LOXL3: variants seen among roughly 807,000 people sequenced by gnomAD.
LOXL3 encodes the protein lysyl oxidase like 3.
Under a neutral mutation model 91.8 loss-of-function variants are expected in LOXL3, and 60 were observed. The ratio of observed to expected loss-of-function variants is 0.65; its 90% CI spans 0.53 to 0.81. LOXL3 has a LOEUF of 0.81. LOXL3 is among the 30% of genes least tolerant of loss of function. The pLI is 0.00. For missense variants in LOXL3, 874 were observed against 1,000.4 expected (o/e 0.87, Z 1.70); for synonymous variants, 355 against 387.6 (o/e 0.92, Z 0.99).
At chr2:74,555,239 G>A (rs1484175985), upstream of LOXL3, 4 of 1,613,754 alleles carry the variant, frequency 2.5e-6, no homozygotes, top group East Asian at 2.2e-5. The surrounding 1 kb of genome is among the most constrained non-coding windows in gnomAD (Gnocchi z 6.1). Context: ...AAGGGGTCGA[G>A]CTCTGGGGGT....
Position 74,549,050 on chromosome 2 carries a change from G to A in LOXL3, c.692+319C>T, listed in dbSNP as rs1417244335. ...TCGCTGGCCGGCAGCGCCAGCGCTG[G>A]AATCGCCCCCGCGCCTGGGAGTGGC... On this transcript the variant is annotated intron_variant, in intron 4 of 13. Transcript: ENST00000264094. The surrounding 1 kb of genome is among the most constrained non-coding windows in gnomAD (Gnocchi z 5.3). The A allele has an allele frequency of 2.9e-5, 6 of 203,868 alleles. No homozygotes were observed. In the East Asian group the frequency reaches 6.3e-4, roughly 22 times the overall value. 12.6% of individuals were successfully genotyped at this position (203,868 alleles called of 1,614,324 possible). A position where few individuals can be genotyped will look rare whatever the true frequency, so the allele number is the denominator to read the frequency against.
chr2:74,550,733 T>C (rs553270543), intron 2 of LOXL3, among the ~76,000 whole-genome samples: 1 of 152,218 alleles, frequency 6.6e-6, no homozygotes, highest in South Asian at 2.1e-4. Context: ...CAGAACACTG[T>C]TTTATATAAA....
intron 4 of LOXL3, among the ~76,000 whole-genome samples, chr2:74,547,396 A>C (rs1039345604): frequency 1.3e-5 from 2 of 152,214 alleles, no homozygotes; most frequent in African/African-American, 4.8e-5. Context: ...TGTTCACGCT[A>C]TCTTCTTCAC....
chr2:74,552,265 C>T, intron 2 of LOXL3, 57 bp downstream of exon 2: 1 of 1,511,574 alleles, frequency 6.6e-7, no homozygotes, highest in South Asian at 1.2e-5. Context: ...TGTTCCCTTT[C>T]CCTGCACTTT....
Position 74,552,488 on chromosome 2 carries a change from G to A in LOXL3, c.147C>T (p.Phe49=), listed in dbSNP as rs1190469487. Residue 49 remains phenylalanine, a synonymous_variant, in exon 2 of 14, where the codon TTC becomes TTT. Transcript: ENST00000264094. ...CGCGGCCCTCGTAGGGCTTCCTGGGGAAGCCAGCCAGCCGGAACCGAAGCC... is the reference window on the plus strand; with the variant it reads ...CGCGGCCCTCGTAGGGCTTCCTGGGAAAGCCAGCCAGCCGGAACCGAAGCC... ...SQGLRFRLAG[F]PRKPYEGRVE... is the part of the protein sequence containing the mutation. 1.2e-6 allele frequency: 2 copies of A among 1,613,504 alleles called. No individual in the cohort carries two copies. The highest frequency in any genetic ancestry group is 1.7e-6 in the Non-Finnish European group (2 of 1,179,946).
chr2:74,537,437 G>A (rs1228316660), intron 4 of LOXL3, among the ~76,000 whole-genome samples: 1 of 152,200 alleles, frequency 6.6e-6, no homozygotes, highest in Admixed American at 6.5e-5. Context: ...CCATAGCTCC[G>A]CAGAGGCCAG....
intron 4 of LOXL3, among the ~76,000 whole-genome samples, chr2:74,537,689 C>T (rs550740720): frequency 6.8e-4 from 103 of 152,292 alleles, no homozygotes; most frequent in Non-Finnish European, 9.4e-4. Context: ...GCAATTTCAA[C>T]GTAACAGTGT....
chr2:74,550,731 T>C (rs1340682988), intron 2 of LOXL3, among the ~76,000 whole-genome samples: 5 of 152,180 alleles, frequency 3.3e-5, no homozygotes, highest in Non-Finnish European at 1.5e-5. Context: ...GCCAGAACAC[T>C]GTTTTATATA....
chr2:74,532,393 G>T lies in LOXL3; in HGVS notation c.*1213C>A. ...ATTCTAGAATGACATTAGTGCTATT[G>T]ATTTAACACTGTTTGTCATTTGGTG... On this transcript the variant is annotated 3_prime_UTR_variant, in exon 14 of 14. Transcript: ENST00000264094. The T allele has an allele frequency of 1.7e-6, 1 of 577,924 alleles. No homozygotes were observed. Among genetic ancestry groups the T allele is most frequent in the Non-Finnish European group, 3.2e-6 (1 of 314,716 alleles). 35.8% of individuals were successfully genotyped at this position (577,924 alleles called of 1,614,324 possible).
Position 74,549,070 on chromosome 2 carries a change from A to C in LOXL3, c.692+299T>G. On this transcript the variant is annotated intron_variant, in intron 4 of 13. Coordinates refer to ENST00000264094, the MANE Select transcript of LOXL3 (RefSeq NM_032603.5). The surrounding 1 kb of genome is among the most constrained non-coding windows in gnomAD (Gnocchi z 5.3). ...CGCTGGAATCGCCCCCGCGCCTGGG[A>C]GTGGCCTCGCGAGGCCGGCGCGCGC... 1 of 235,606 alleles carries C rather than the reference A, an allele frequency of 4.2e-6. No homozygotes were observed. Among genetic ancestry groups the C allele is most frequent in the Non-Finnish European group, 8.2e-6 (1 of 121,908 alleles). The allele number at this position is 235,606 out of a possible 1,614,324, so 14.6% of individuals were successfully genotyped here. A position where few individuals can be genotyped will look rare whatever the true frequency, so the allele number is the denominator to read the frequency against.
rs759306602 is a variant in LOXL3 at position 74,550,253 on chromosome 2, C to T, written c.409G>A (p.Asp137Asn). The T allele has an allele frequency of 5.0e-6, 8 of 1,614,080 alleles. No homozygotes were observed. The highest frequency in any genetic ancestry group is 4.0e-5 in the African/African-American group (3 of 74,928). ...RGWGNSDCTH[D>N]EDAGVICKDQ... is the part of the protein sequence containing the mutation. ...TTGCAGATGACCCCAGCATCCTCAT[C>T]GTGCGTACAGTCACTGTTCCCCCAG... The change falls in exon 3 of 14, where the codon GAT becomes AAT. Residue 137 changes from aspartate to asparagine, a missense_variant. Coordinates refer to ENST00000264094, the MANE Select transcript of LOXL3 (RefSeq NM_032603.5).
chr2:74,535,207 C>G lies in LOXL3; in HGVS notation c.1579+85G>C, dbSNP rs541454291. 158 of 1,455,664 alleles carry G rather than the reference C, an allele frequency of 1.1e-4. 1 individual carries two copies. The East Asian group carries it at 3.6e-3, about 33-fold the overall frequency. 90.2% of individuals were successfully genotyped at this position (1,455,664 alleles called of 1,614,324 possible). A position where few individuals can be genotyped will look rare whatever the true frequency, so the allele number is the denominator to read the frequency against. The stretch of plus-strand genomic sequence containing the variant: ...GGCTCTTTTATGGGGAAGAAGTGCC[C>G]CTCCAGATTACAGCCCCCTTTCCCT... On this transcript the variant is annotated intron_variant, in intron 9 of 13. Coordinates refer to ENST00000264094, the MANE Select transcript of LOXL3 (RefSeq NM_032603.5). The surrounding 1 kb of genome is among the most constrained non-coding windows in gnomAD (Gnocchi z 4.2).
At position 74,535,943 on chromosome 2, in the gene LOXL3, C is replaced by G. The variant is rs1046163285; in HGVS notation, c.1248+53G>C. 1 of 1,518,976 alleles carries G rather than the reference C, an allele frequency of 6.6e-7. No individual in the cohort carries two copies. Among genetic ancestry groups the G allele is most frequent in the African/African-American group, 1.4e-5 (1 of 71,826 alleles). 94.1% of individuals were successfully genotyped at this position (1,518,976 alleles called of 1,614,324 possible). Reference sequence around the variant, plus strand: ...GGCCATTGGACTGTAGATTGGAGACCAGACCTGGATAGGATGAAAGAGACC... The same window carrying G: ...GGCCATTGGACTGTAGATTGGAGACGAGACCTGGATAGGATGAAAGAGACC... On this transcript the variant is annotated intron_variant, in intron 7 of 13. Transcript: ENST00000264094. The surrounding 1 kb of genome is among the most constrained non-coding windows in gnomAD (Gnocchi z 4.2).
chr2:74,544,022 G>T (rs1266112038), intron 4 of LOXL3, among the ~76,000 whole-genome samples: 2 of 151,818 alleles, frequency 1.3e-5, no homozygotes, highest in African/African-American at 4.8e-5. Context: ...ACACTTCAAT[G>T]GCCGGGCACG....
rs1675682046 is a variant in LOXL3, at chr2:74,532,463, G to C, written c.*1143C>G. The C allele has an allele frequency of 1.6e-5, 11 of 690,502 alleles. No homozygotes were observed. The highest frequency in any genetic ancestry group is 1.4e-4 in the South Asian group (9 of 66,398). The allele number at this position is 690,502 out of a possible 1,614,324, so 42.8% of individuals were successfully genotyped here. On this transcript the variant is annotated 3_prime_UTR_variant, in exon 14 of 14. Transcript: ENST00000264094. ...TTTTATGTACATGTTGCACTTTATT[G>C]CTAGAAGACAGAAAGTGAGTTGCCA... is the stretch of plus-strand genomic sequence containing the variant.
At chr2:74,547,496 A>G (rs1441601020) in intron 4 of LOXL3, among the ~76,000 whole-genome samples, 1 of 152,228 alleles carries the variant, frequency 6.6e-6, no homozygotes, top group Non-Finnish European at 1.5e-5. Flanking sequence ...CAGCCCCAAG[A>G]TGGATGAAAG....
In LOXL3 at chr2:74,535,534, C is replaced by T; in HGVS notation, c.1416+54G>A. 6.2e-7 allele frequency: 1 copy of T among 1,611,850 alleles called. No homozygotes were observed. Among genetic ancestry groups the T allele is most frequent in the Non-Finnish European group, 8.5e-7 (1 of 1,179,756 alleles). ...AGGGACTCATTCCTCAGCCCTCTGC[C>T]CAAAACACAGGCTTTGAGACAACAG... is the stretch of plus-strand genomic sequence containing the variant. On this transcript the variant is annotated intron_variant, in intron 8 of 13. Transcript: ENST00000264094. This position sits in a 1 kb window ranked among gnomAD's most constrained non-coding sequence, Gnocchi z 4.2.
rs769754995 is a variant in LOXL3 at position 74,533,998 on chromosome 2, G to A, written c.2077-5C>T. ...AAAGTTTGGGTTGATGACAACCTGT[G>A]AGTGAGAAAAAGGCCACTTAACCCA... On this transcript the variant is annotated splice_polypyrimidine_tract_variant and splice_region_variant and intron_variant, in intron 12 of 13. Transcript: ENST00000264094. 2 of 1,613,328 alleles carry A rather than the reference G, an allele frequency of 1.2e-6. No homozygotes were observed. The highest frequency in any genetic ancestry group is 1.3e-5 in the African/African-American group (1 of 75,026).
upstream of LOXL3, chr2:74,555,062 C>CA: frequency 6.7e-7 from 1 of 1,486,400 alleles, no homozygotes; most frequent in South Asian, 1.3e-5. The surrounding 1 kb of genome is among the most constrained non-coding windows in gnomAD (Gnocchi z 6.1). Context: ...CCCCAGATCC[C>CA]AAATCGACTT....
Sources: allele counts gnomAD v4.1 joint callset (sites outside exome capture counted in the v4.1 genomes callset), GRCh38; gene constraint gnomAD v4.1.1; non-coding constraint Gnocchi (gnomAD v3.1); transcripts MANE v1.5; gene names NCBI Gene and HGNC (gene_info 2026-07-23, HGNC 2026-07-21).